Variants in KALRN observed in about 807,000 individuals in gnomAD.
KALRN encodes the protein kalirin RhoGEF kinase.
Under a neutral mutation model 353.7 loss-of-function variants are expected in KALRN, and 70 were observed. That is an observed-to-expected ratio of 0.20 (90% CI 0.16 to 0.24). The LOEUF (loss-of-function observed/expected upper bound fraction) is 0.24, where lower values mean the gene tolerates loss of function less well. Among genes scored for constraint, KALRN ranks in the 10% least tolerant of loss-of-function variants. The pLI, the probability that KALRN is intolerant of heterozygous loss-of-function variation, is 1.00. For missense variants in KALRN, 2,791 were observed against 3,756.7 expected, an observed-to-expected ratio of 0.74 and a Z score of 6.72; for synonymous variants, 1,391 against 1,434.8, an observed-to-expected ratio of 0.97 and a Z score of 0.69.
chr3:124,088,116 T>A (rs1288294766), intron 1 of KALRN, among the ~76,000 whole-genome samples: 1 of 152,160 alleles, frequency 6.6e-6, no homozygotes, highest in South Asian at 2.1e-4. Flanking sequence ...TTATAGTTTT[T>A]TTTTTCCCCA....
chr3:124,702,361 T>G (rs533290610), intron 57 of KALRN, among the ~76,000 whole-genome samples: 1 of 152,306 alleles, frequency 6.6e-6, no homozygotes, highest in African/African-American at 2.4e-5. Context: ...GGCCCAAAAT[T>G]TTCTTCAAAG....
intron 10 of KALRN, among the ~76,000 whole-genome samples, chr3:124,371,781 G>T (rs923350745): frequency 6.6e-6 from 1 of 152,130 alleles, no homozygotes; most frequent in African/African-American, 2.4e-5. Flanking sequence ...CAAGCATTTA[G>T]CCTCTAAGTT....
In KALRN at chr3:124,723,733, T is replaced by C. The variant is rs1269938341; in HGVS notation, c.*4263T>C. ...AAGGGTTAGGAGAGCTGATGAAGTC[T>C]TATGTCCATAAGTTGTTTTCTCCAG... On this transcript the variant is annotated 3_prime_UTR_variant, in exon 60 of 60. Coordinates refer to ENST00000682506, the MANE Select transcript of KALRN (RefSeq NM_001388419.1). 1 of 152,198 alleles carries C rather than the reference T, an allele frequency of 6.6e-6. No homozygotes were observed. Among genetic ancestry groups the C allele is most frequent in the Admixed American group, 6.5e-5 (1 of 15,284 alleles). The allele number at this position is 152,198 out of a possible 1,614,324, so 9.4% of individuals were successfully genotyped here. A position where few individuals can be genotyped will look rare whatever the true frequency, so the allele number is the denominator to read the frequency against.
intron 33 of KALRN, among the ~76,000 whole-genome samples, chr3:124,536,196 C>CTT (rs34435871): frequency 0.046 from 4,546 of 99,038 alleles, 344 homozygotes; most frequent in African/African-American, 0.11. Context: ...CATCCATACT[C>CTT]TTTTTTTTTT....
In KALRN at chr3:124,639,180, T is replaced by G. The variant is rs1342316928; in HGVS notation, c.5664+1877T>G. On this transcript the variant is annotated intron_variant, in intron 37 of 59. Coordinates refer to ENST00000682506, the MANE Select transcript of KALRN (RefSeq NM_001388419.1). ...TTCATATGGCCCCATTTCTCTGGAA[T>G]GTTCTCCCTCTTATGTTTGCTTATC... Among the ~76,000 whole-genome samples the G allele has an allele frequency of 2.0e-5, 3 of 152,222 alleles. No individual in the cohort carries two copies. In the East Asian group the frequency reaches 5.8e-4, roughly 29 times the overall value.
At chr3:124,284,691 A>ACG (rs2075662606) in intron 5 of KALRN, among the ~76,000 whole-genome samples, 1 of 152,212 alleles carries the variant, frequency 6.6e-6, no homozygotes. Context: ...AGTGCTCAAT[A>ACG]AGTGAATGAA....
At chr3:124,422,029 G>T (rs2092805352) in intron 14 of KALRN, among the ~76,000 whole-genome samples, 1 of 152,186 alleles carries the variant, frequency 6.6e-6, no homozygotes, top group Non-Finnish European at 1.5e-5. Flanking sequence ...TCAGTGACTG[G>T]CTGAGCTTAC....
intron 59 of KALRN, 137 bp from the exon 60 acceptor site, chr3:124,718,788 C>A: frequency 2.7e-6 from 2 of 750,634 alleles, no homozygotes; most frequent in Non-Finnish European, 4.3e-6. Flanking sequence ...TTCCGTAGTG[C>A]ATAGGGAATT....
intron 1 of KALRN, among the ~76,000 whole-genome samples, chr3:124,191,330 A>G (rs2074888904): frequency 6.6e-6 from 1 of 152,102 alleles, no homozygotes; most frequent in Non-Finnish European, 1.5e-5. Context: ...AAGTTGCAGG[A>G]TGGGGCTGAA....
intron 10 of KALRN, among the ~76,000 whole-genome samples, chr3:124,376,441 T>G (rs976536723): frequency 6.6e-6 from 1 of 152,162 alleles, no homozygotes; most frequent in African/African-American, 2.4e-5. Flanking sequence ...TTTCCTCTGT[T>G]TCTTCTTACT....
At chr3:124,708,997 A>G (rs1289143586) in intron 57 of KALRN, among the ~76,000 whole-genome samples, 1 of 152,188 alleles carries the variant, frequency 6.6e-6, no homozygotes, top group Non-Finnish European at 1.5e-5. Context: ...CTTAAAGGAA[A>G]GAGCTGGCCA....
intron 33 of KALRN, among the ~76,000 whole-genome samples, chr3:124,513,804 AG>A (rs2066223720): frequency 6.6e-6 from 1 of 152,156 alleles, no homozygotes; most frequent in Non-Finnish European, 1.5e-5. Context: ...CCTGTCACTC[AG>A]GAGGCAGCAT....
At chr3:124,718,277 T>C (rs1422758146) in intron 59 of KALRN, among the ~76,000 whole-genome samples, 13 of 152,036 alleles carry the variant, frequency 8.6e-5, no homozygotes, top group East Asian at 1.9e-4. Context: ...CCCACCACCA[T>C]GCCTGGCTAA....
At chr3:124,198,677 C>T (rs2075674304) in intron 1 of KALRN, among the ~76,000 whole-genome samples, 1 of 152,152 alleles carries the variant, frequency 6.6e-6, no homozygotes, top group Admixed American at 6.5e-5. Context: ...GTCCATTCAG[C>T]TCCTATAATT....
At chr3:124,642,815 T>TGTTGTTGTTTTTTTTTTTTTTTTG (rs1559750149) in intron 37 of KALRN, among the ~76,000 whole-genome samples, 1 of 140,364 alleles carries the variant, frequency 7.1e-6, no homozygotes, top group Non-Finnish European at 1.5e-5. Context: ...CGTTTTTTTT[T>TGTTGTTGTTTTTTTTTTTTTTTTG]TTTTTTTTTT....
At chr3:124,171,425 T>C (rs577157512) in intron 1 of KALRN, among the ~76,000 whole-genome samples, 1 of 152,298 alleles carries the variant, frequency 6.6e-6, no homozygotes, top group Non-Finnish European at 1.5e-5. Flanking sequence ...TGATATCTTA[T>C]CCACTAGAAG....
At chr3:124,325,595 C>T (rs904478962) in intron 6 of KALRN, among the ~76,000 whole-genome samples, 4 of 152,126 alleles carry the variant, frequency 2.6e-5, no homozygotes, top group African/African-American at 9.7e-5. Context: ...GATGTCTCTG[C>T]CTCCTTTAGC....
At chr3:124,387,621 A>AT (rs201842650) in intron 11 of KALRN, among the ~76,000 whole-genome samples, 25 of 150,718 alleles carry the variant, frequency 1.7e-4, no homozygotes, top group African/African-American at 2.7e-4. Context: ...ACTTGAATGA[A>AT]TTTTTTTTTT....
At chr3:124,266,102 G>T (rs547243391) in intron 4 of KALRN, among the ~76,000 whole-genome samples, 8 of 151,922 alleles carry the variant, frequency 5.3e-5, no homozygotes, top group African/African-American at 1.9e-4. Flanking sequence ...GTGACAGAGC[G>T]AAACTCCTCA....
Sources: gnomAD v4.1 joint callset for allele counts (sites outside exome capture counted in the v4.1 genomes callset) on GRCh38, gnomAD v4.1.1 for gene constraint, MANE v1.5 for transcripts, NCBI Gene and HGNC (gene_info 2026-07-23, HGNC 2026-07-21) for gene names.